The following PPP2R3B variants were observed in gnomAD, a reference collection of about 807,000 sequenced individuals.
PPP2R3B encodes protein phosphatase 2 regulatory subunit B''beta.
PPP2R3B carries 68 observed loss-of-function variants against 72.9 expected under a neutral mutation model. The observed-to-expected ratio is 0.93, with a 90% CI of 0.77 to 1.14. The LOEUF is 1.14. Among genes scored for constraint, PPP2R3B ranks in the 50% most tolerant of loss-of-function variants. The pLI is 0.00. For missense variants in PPP2R3B, 1,018 were observed against 842.0 expected (o/e 1.21, Z -2.59); for synonymous variants, 466 against 375.8 (o/e 1.24, Z -2.78).
intron 1 of PPP2R3B, among the ~76,000 whole-genome samples, chrX:372,688 G>A (rs1351931690): frequency 1.3e-5 from 2 of 152,204 alleles, no homozygotes; most frequent in Non-Finnish European, 2.9e-5. Context: ...AGCTGGGGTG[G>A]AGGCTCACGC....
Position 341,873 on chromosome X carries a change from C to G in PPP2R3B, c.1085+10G>C. 1.2e-6 allele frequency: 2 copies of G among 1,612,602 alleles called. No individual in the cohort carries two copies. The highest frequency in any genetic ancestry group is 8.5e-7 in the Non-Finnish European group (1 of 1,179,720). On this transcript the variant is annotated intron_variant, in intron 8 of 12. Coordinates refer to ENST00000390665, the MANE Select transcript of PPP2R3B (RefSeq NM_013239.5). ...CAATGGCTGCCGTCAGGCGCCTGAGCCGTACGTACCGTGTGACTGCTCCTG... is the reference window on the plus strand; with the variant it reads ...CAATGGCTGCCGTCAGGCGCCTGAGGCGTACGTACCGTGTGACTGCTCCTG...
chrX:345,388 C>G (rs1446439462), intron 7 of PPP2R3B, 128 bp downstream of exon 7: 11 of 1,297,834 alleles, frequency 8.5e-6, no homozygotes, highest in Non-Finnish European at 1.2e-5. Flanking sequence ...GCGGCGAGTG[C>G]GAAGGAGAGG....
At chrX:341,805 CGTCAGGCAACGATGAGGAGAGGGACCGGG>C (rs2071084569) in intron 8 of PPP2R3B, 49 bp downstream of exon 8, 1 of 1,503,254 alleles carries the variant, frequency 6.7e-7, no homozygotes, top group African/African-American at 1.4e-5. Flanking sequence ...AAAAAGCTCA[CGTCAGGCAACGATGAGGAGAGGGACCGGG>C]GTCCTCGCAG....
At chrX:366,465 G>A (rs1398544825) in intron 1 of PPP2R3B, among the ~76,000 whole-genome samples, 2 of 5,092 alleles carry the variant, frequency 3.9e-4, no homozygotes, top group Non-Finnish European at 5.8e-4. Context: ...CACAGGAGGC[G>A]GAGGGTGCAG....
At chrX:354,252 GCTCACCCAAACACCAGGGGC>G (rs1217995853) in intron 2 of PPP2R3B, among the ~76,000 whole-genome samples, 2 of 148,266 alleles carry the variant, frequency 1.3e-5, no homozygotes, top group African/African-American at 5.0e-5. Flanking sequence ...AACACTGGGG[GCTCACCCAAACACCAGGGGC>G]TCACCCAAAC....
intron 1 of PPP2R3B, among the ~76,000 whole-genome samples, chrX:379,504 C>T (rs756691721): frequency 9.8e-5 from 15 of 152,314 alleles, no homozygotes; most frequent in African/African-American, 2.2e-4. Flanking sequence ...TGCACACGCA[C>T]GCCCGTGTTT....
intron 1 of PPP2R3B, among the ~76,000 whole-genome samples, chrX:384,299 C>CTT (rs753521064): frequency 5.2e-5 from 7 of 133,842 alleles, no homozygotes; most frequent in Non-Finnish European, 6.5e-5. Context: ...TATATATATA[C>CTT]TTTTTTTTTT....
intron 1 of PPP2R3B, among the ~76,000 whole-genome samples, chrX:385,191 C>T (rs1032840111): frequency 3.3e-5 from 5 of 151,874 alleles, no homozygotes; most frequent in South Asian, 2.1e-4. Context: ...AATACCCATG[C>T]GTCAGGACAC....
At position 386,583 on chromosome X, in the gene PPP2R3B, G is replaced by A; in HGVS notation, c.109C>T (p.Arg37Cys). Residue 37 changes from arginine (R) to cysteine (C), a missense_variant, in exon 1 of 13, where the codon CGC becomes TGC. By Grantham distance (180) the Arg-to-Cys change is radical. Coordinates refer to ENST00000390665, the MANE Select transcript of PPP2R3B (RefSeq NM_013239.5). The stretch of plus-strand genomic sequence containing the variant: ...TCCCGCCCGGGCGCCTTGATCCGGC[G>A]CAGGCAGTCCTGCAGCATCCGCTGC... ...STQRMLQDCLRRIKAPGRDQP... is the reference protein window; with the variant it reads ...STQRMLQDCLCRIKAPGRDQP... 6.9e-7 allele frequency: 1 copy of A among 1,451,912 alleles called. No individual in the cohort carries two copies. The highest frequency in any genetic ancestry group is 9.1e-7 in the Non-Finnish European group (1 of 1,102,768). The allele number at this position is 1,451,912 out of a possible 1,614,324, so 89.9% of individuals were successfully genotyped here. A position where few individuals can be genotyped will look rare whatever the true frequency, so the allele number is the denominator to read the frequency against.
intron 2 of PPP2R3B, among the ~76,000 whole-genome samples, chrX:351,459 A>C (rs2071331301): frequency 6.6e-6 from 1 of 152,178 alleles, no homozygotes; most frequent in Non-Finnish European, 1.5e-5. Flanking sequence ...CATCAGATCT[A>C]TCCAGCCGTG....
chrX:338,730 T>TA lies in PPP2R3B; in HGVS notation c.1471-21dup. On this transcript the variant is annotated intron_variant, in intron 11 of 12. Transcript: ENST00000390665. ...ACCGTCCTGGAGGAAGCACACGGGT[T>TA]ACGTACACGGCGTGGCGCGGCCCGG... 6.2e-7 allele frequency: 1 copy of TA among 1,611,530 alleles called. No individual in the cohort carries two copies. Among genetic ancestry groups the TA allele is most frequent in the Non-Finnish European group, 8.5e-7 (1 of 1,179,416 alleles).
At chrX:349,719 TAA>T (rs1292930523) in intron 2 of PPP2R3B, among the ~76,000 whole-genome samples, 1 of 152,094 alleles carries the variant, frequency 6.6e-6, no homozygotes, top group East Asian at 1.9e-4. Context: ...AACAAACAAC[TAA>T]AAATAAAATC....
At chrX:370,032 G>C (rs2071823119) in intron 1 of PPP2R3B, among the ~76,000 whole-genome samples, 1 of 152,104 alleles carries the variant, frequency 6.6e-6, no homozygotes, top group Non-Finnish European at 1.5e-5. Context: ...CATTCTTCTC[G>C]GCCCAGCACT....
rs112221685 is a variant in PPP2R3B, at chrX:368,756, C to T, written c.325-7166G>A. On this transcript the variant is annotated intron_variant, in intron 1 of 12. Coordinates refer to ENST00000390665, the MANE Select transcript of PPP2R3B (RefSeq NM_013239.5). ...CCTTGGGCACCGACGGGGGGAAGGC[C>T]GGGACCACCCACCTTGGGCACCGAC... Among the ~76,000 whole-genome samples, 351 of 86,944 alleles carry T rather than the reference C, an allele frequency of 4.0e-3. 5 individuals carry two copies. The highest frequency in any genetic ancestry group is 0.02 in the Middle Eastern group (2 of 98). The allele number at this position is 86,944 out of a possible 152,430, so 57.0% of individuals were successfully genotyped here. A position where few individuals can be genotyped will look rare whatever the true frequency, so the allele number is the denominator to read the frequency against.
rs757182186 is a variant in PPP2R3B, at chrX:352,308, G to A, written c.511-4615C>T. On this transcript the variant is annotated intron_variant, in intron 2 of 12. Transcript: ENST00000390665. ...GTGGGGCCCGGCAACGCGGCGGCAC[G>A]CCCACCCGCACGGCCAGGACAGGGA... is the stretch of plus-strand genomic sequence containing the variant. Among the ~76,000 whole-genome samples the A allele has an allele frequency of 9.4e-4, 143 of 152,344 alleles. 1 individual carries two copies. The highest frequency in any genetic ancestry group is 3.4e-3 in the African/African-American group (142 of 41,576).
intron 1 of PPP2R3B, among the ~76,000 whole-genome samples, chrX:374,272 A>G (rs5987296): frequency 0.98 from 148,855 of 152,210 alleles, 72,807 homozygotes; most frequent in East Asian, 1. Context: ...CTCGGTGCCG[A>G]CTCCGGCTTG....
At chrX:345,152 G>A (rs1344282282) in intron 7 of PPP2R3B, 1 of 523,140 alleles carries the variant, frequency 1.9e-6, no homozygotes, top group Non-Finnish European at 3.7e-6. Context: ...GGCCTTGGGG[G>A]CTGGAACCTG....
At chrX:364,543 A>G (rs1318232129) in intron 1 of PPP2R3B, among the ~76,000 whole-genome samples, 1 of 151,564 alleles carries the variant, frequency 6.6e-6, no homozygotes, top group Non-Finnish European at 1.5e-5. Flanking sequence ...AACAGAAAAC[A>G]AAAAACAAAA....
intron 4 of PPP2R3B, 153 bp from the exon 5 acceptor site, chrX:346,928 G>A (rs1262020234): frequency 7.0e-6 from 2 of 285,952 alleles, no homozygotes; most frequent in African/African-American, 4.6e-5. Flanking sequence ...GTATGGTGTA[G>A]ACGCCGGCCC....
Sources: allele counts gnomAD v4.1 joint callset (sites outside exome capture counted in the v4.1 genomes callset), GRCh38; gene constraint gnomAD v4.1.1; transcripts MANE v1.5; gene names NCBI Gene and HGNC (gene_info 2026-07-23, HGNC 2026-07-21).